The following SLC25A21 variants were observed in gnomAD, a reference collection of about 807,000 sequenced individuals.
SLC25A21 encodes the protein solute carrier family 25 member 21, also known as mitochondrial 2-oxodicarboxylate carrier.
SLC25A21 carries 47 observed loss-of-function variants against 43.8 expected under a neutral mutation model. The ratio of observed to expected loss-of-function variants is 1.07; its 90% CI spans 0.85 to 1.37. The LOEUF (loss-of-function observed/expected upper bound fraction) is 1.37, where lower values mean the gene tolerates loss of function less well. SLC25A21 is among the 40% of genes most tolerant of loss of function. SLC25A21 has a pLI of 0.00. For synonymous variants in SLC25A21, 131 were observed against 121.3 expected (o/e 1.08, Z -0.52); for missense variants, 352 against 350.2 (o/e 1.00, Z -0.04).
intron 1 of SLC25A21, among the ~76,000 whole-genome samples, chr14:37,165,384 A>C (rs1429355174): frequency 2.0e-5 from 3 of 152,180 alleles, no homozygotes; most frequent in Admixed American, 6.5e-5. Flanking sequence ...CTCAAAAAAA[A>C]AAAAGATACC....
intron 2 of SLC25A21, among the ~76,000 whole-genome samples, chr14:36,814,368 C>G (rs1888377355): frequency 6.7e-5 from 1 of 14,916 alleles, no homozygotes; most frequent in African/African-American, 8.5e-5. Flanking sequence ...GTCAGTAGTG[C>G]TATTTCTTAT....
At chr14:37,153,492 C>G (rs1028489878) in intron 1 of SLC25A21, among the ~76,000 whole-genome samples, 13 of 152,128 alleles carry the variant, frequency 8.5e-5, no homozygotes, top group African/African-American at 2.9e-4. Context: ...GACTTGGTTG[C>G]GAGTTGGGTG....
At chr14:36,736,545 A>G (rs1047123211) in intron 3 of SLC25A21, among the ~76,000 whole-genome samples, 1 of 152,196 alleles carries the variant, frequency 6.6e-6, no homozygotes, top group Non-Finnish European at 1.5e-5. Flanking sequence ...AGTTCTATAT[A>G]TATAATGATA....
intron 1 of SLC25A21, among the ~76,000 whole-genome samples, chr14:36,937,043 G>A (rs1331789753): frequency 1.3e-5 from 2 of 152,156 alleles, no homozygotes; most frequent in Admixed American, 6.6e-5. Context: ...GAGAAAATAA[G>A]GCAGATGGCT....
At chr14:36,726,346 T>C (rs928912956) in intron 5 of SLC25A21, among the ~76,000 whole-genome samples, 1 of 151,948 alleles carries the variant, frequency 6.6e-6, no homozygotes, top group African/African-American at 2.4e-5. Context: ...AGTGGGAGGA[T>C]CACTTGAGCC....
At chr14:36,978,031 A>G (rs189055484) in intron 1 of SLC25A21, among the ~76,000 whole-genome samples, 1 of 152,122 alleles carries the variant, frequency 6.6e-6, no homozygotes, top group Non-Finnish European at 1.5e-5. Context: ...GGCAATAACA[A>G]GATCAGGCTG....
In SLC25A21 at chr14:36,787,485, C is replaced by A. The variant is rs1339933143; in HGVS notation, c.203+26433G>T. ...CTAGCTCTAGAATTTAATTTCTGGG[C>A]ACTTTTAAAAAGGATAGCCTTGCTT... On this transcript the variant is annotated intron_variant, in intron 3 of 9. Transcript: ENST00000331299. 2.6e-5 allele frequency among the ~76,000 whole-genome samples: 4 copies of A among 152,060 alleles called. No individual in the cohort carries two copies. In the East Asian group the frequency reaches 7.7e-4, roughly 29 times the overall value.
intron 1 of SLC25A21, among the ~76,000 whole-genome samples, chr14:37,070,602 T>C (rs936155228): frequency 7.9e-5 from 12 of 152,242 alleles, no homozygotes; most frequent in Non-Finnish European, 1.6e-4. Flanking sequence ...TAATTATTAT[T>C]CTTTTGTTCA....
intron 1 of SLC25A21, among the ~76,000 whole-genome samples, chr14:37,041,467 C>G (rs924119181): frequency 1.3e-5 from 2 of 151,338 alleles, no homozygotes; most frequent in Non-Finnish European, 2.9e-5. Flanking sequence ...CCAGTCTGAG[C>G]AACATATCAA....
chr14:36,811,897 T>C (rs774704879), intron 3 of SLC25A21, among the ~76,000 whole-genome samples: 3 of 152,160 alleles, frequency 2.0e-5, no homozygotes, highest in Non-Finnish European at 4.4e-5. Flanking sequence ...TGTGACATCA[T>C]TAGATATCAG....
At chr14:37,015,000 T>G (rs577811903) in intron 1 of SLC25A21, among the ~76,000 whole-genome samples, 1 of 152,278 alleles carries the variant, frequency 6.6e-6, no homozygotes, top group Admixed American at 6.5e-5. Context: ...CCAGGCTTTG[T>G]TGTTCCATTT....
intron 1 of SLC25A21, among the ~76,000 whole-genome samples, chr14:37,139,754 G>T (rs940736491): frequency 6.6e-6 from 1 of 152,136 alleles, no homozygotes; most frequent in African/African-American, 2.4e-5. Flanking sequence ...TTCCCTTCAA[G>T]ACTTTATAAT....
At chr14:36,768,045 G>A (rs1035745275) in intron 3 of SLC25A21, among the ~76,000 whole-genome samples, 3 of 152,140 alleles carry the variant, frequency 2.0e-5, no homozygotes, top group Non-Finnish European at 4.4e-5. Context: ...AAAACATGTC[G>A]CTGCCTGCAG....
At chr14:37,011,586 T>C (rs569682407) in intron 1 of SLC25A21, among the ~76,000 whole-genome samples, 170 of 152,312 alleles carry the variant, frequency 1.1e-3, no homozygotes, top group Admixed American at 2.1e-3. Flanking sequence ...CGGAGGTTCA[T>C]GGTGTTCTCT....
At chr14:37,159,157 C>A (rs1434247254) in intron 1 of SLC25A21, among the ~76,000 whole-genome samples, 2 of 151,870 alleles carry the variant, frequency 1.3e-5, no homozygotes, top group East Asian at 1.9e-4. Context: ...GACAAGATTG[C>A]CCAAAGCAAT....
chr14:36,678,822 CA>C lies in SLC25A21; in HGVS notation c.*1835del, dbSNP rs1404469823. On this transcript the variant is annotated 3_prime_UTR_variant, in exon 10 of 10. Transcript: ENST00000331299. ...TTCCTTTTCTCCCTCTAGGTCTTAA[CA>C]GTGAATTCACATGGAGTAATTTTTA... 2 of 995,948 alleles carry C rather than the reference CA, an allele frequency of 2.0e-6. No homozygotes were observed. The highest frequency in any genetic ancestry group is 3.4e-5 in the African/African-American group (2 of 58,318). 61.7% of individuals were successfully genotyped at this position (995,948 alleles called of 1,614,324 possible).
chr14:36,907,951 C>A (rs182639753), intron 1 of SLC25A21, among the ~76,000 whole-genome samples: 12 of 152,216 alleles, frequency 7.9e-5, no homozygotes, highest in Non-Finnish European at 1.8e-4. Context: ...TTTGTAATTG[C>A]ACAGGACTTC....
intron 1 of SLC25A21, among the ~76,000 whole-genome samples, chr14:36,986,794 C>G (rs2022731): frequency 0.016 from 2,387 of 151,844 alleles, 52 homozygotes; most frequent in African/African-American, 0.052. Flanking sequence ...TGTTTTTTGC[C>G]CTTAACGACT....
chr14:36,715,951 C>T (rs1439670293), intron 6 of SLC25A21, among the ~76,000 whole-genome samples: 1 of 152,060 alleles, frequency 6.6e-6, no homozygotes, highest in South Asian at 2.1e-4. Flanking sequence ...AGTAGCTGGG[C>T]ATGGTGGTGC....
Sources: allele counts gnomAD v4.1 joint callset (sites outside exome capture counted in the v4.1 genomes callset), GRCh38; gene constraint gnomAD v4.1.1; transcripts MANE v1.5; gene names NCBI Gene and HGNC (gene_info 2026-07-23, HGNC 2026-07-21).